CXCL12: variants seen among roughly 807,000 people sequenced by gnomAD.
CXCL12 encodes C-X-C motif chemokine ligand 12, also known as stromal cell-derived factor 1.
In CXCL12, 4 loss-of-function variants were observed where a neutral mutation model predicts 10.7. That is an observed-to-expected ratio of 0.37 (90% CI 0.18 to 0.86). The LOEUF (loss-of-function observed/expected upper bound fraction) is 0.86, where lower values mean the gene tolerates loss of function less well. Among genes scored for constraint, CXCL12 ranks in the 40% least tolerant of loss-of-function variants. The pLI, the probability that CXCL12 is intolerant of heterozygous loss-of-function variation, is 0.43. For missense variants in CXCL12, 122 were observed against 110.4 expected (o/e 1.10, Z -0.47); for synonymous variants, 54 against 45.4 (o/e 1.19, Z -0.77).
chr10:44,378,063 A>G lies in CXCL12; in HGVS notation c.*570T>C. ...TCACTGAGGTTGAAAGAGGAGGTGAAGGCAGTGGCGGCGCCCAGCCCCAGT... is the reference window on the plus strand; with the variant it reads ...TCACTGAGGTTGAAAGAGGAGGTGAGGGCAGTGGCGGCGCCCAGCCCCAGT... On this transcript the variant is annotated 3_prime_UTR_variant, in exon 3 of 3. Transcript: ENST00000343575. 1.4e-6 allele frequency: 2 copies of G among 1,469,274 alleles called. No homozygotes were observed. Among genetic ancestry groups the G allele is most frequent in the Non-Finnish European group, 1.8e-6 (2 of 1,120,150 alleles). 91.0% of individuals were successfully genotyped at this position (1,469,274 alleles called of 1,614,324 possible). A position where few individuals can be genotyped will look rare whatever the true frequency, so the allele number is the denominator to read the frequency against.
chr10:44,373,171 A>G (rs747575610), downstream of CXCL12: 8 of 1,538,952 alleles, frequency 5.2e-6, no homozygotes, highest in Non-Finnish European at 7.0e-6. Context: ...ATTTTGCTAC[A>G]TAATCAAATG....
chr10:44,373,316 C>G, downstream of CXCL12: 1 of 1,607,020 alleles, frequency 6.2e-7, no homozygotes. Flanking sequence ...GTTCCTCAGG[C>G]GTCTGACCCT....
downstream of CXCL12, chr10:44,375,823 A>T: frequency 6.5e-7 from 1 of 1,537,708 alleles, no homozygotes; most frequent in Non-Finnish European, 8.7e-7. Flanking sequence ...CTGCTCCCCC[A>T]CGGAAGTCTG....
downstream of CXCL12, chr10:44,376,172 CT>C: frequency 7.4e-6 from 6 of 815,794 alleles, no homozygotes; most frequent in Admixed American, 1.1e-4. Flanking sequence ...GGTCAAAGCA[CT>C]GTTTATCAGT....
At chr10:44,383,613 G>GGT (rs1564464523) in intron 1 of CXCL12, among the ~76,000 whole-genome samples, 1 of 137,762 alleles carries the variant, frequency 7.3e-6, no homozygotes, top group South Asian at 2.6e-4. Flanking sequence ...GACTTGCGGG[G>GGT]GGGGGGGGGG....
chr10:44,377,351 C>T lies in CXCL12; in HGVS notation c.*1282G>A, dbSNP rs371362518. ...CTCCACTTCAAATATATGAATTGTTCGACTATAAATATATTTTGAAATACA... is the reference window on the plus strand; with the variant it reads ...CTCCACTTCAAATATATGAATTGTTTGACTATAAATATATTTTGAAATACA... On this transcript the variant is annotated 3_prime_UTR_variant, in exon 3 of 3. Coordinates refer to ENST00000343575, the MANE Select transcript of CXCL12 (RefSeq NM_199168.4). The T allele has an allele frequency of 1.2e-5, 13 of 1,050,524 alleles. No individual in the cohort carries two copies. Among genetic ancestry groups the T allele is most frequent in the Admixed American group, 5.1e-5 (1 of 19,642 alleles). The allele number at this position is 1,050,524 out of a possible 1,614,324, so 65.1% of individuals were successfully genotyped here.
downstream of CXCL12, chr10:44,376,116 G>A (rs1351902674): frequency 3.8e-5 from 56 of 1,459,638 alleles, no homozygotes; most frequent in Admixed American, 5.5e-5. Flanking sequence ...ACACTGGCCC[G>A]TGTACTGGTT....
At chr10:44,380,685 A>C (rs1309706785) in intron 2 of CXCL12, 78 bp downstream of exon 2, 1 of 1,267,776 alleles carries the variant, frequency 7.9e-7, no homozygotes, top group Non-Finnish European at 1.2e-6. Flanking sequence ...TACACCTTTA[A>C]TAAGACTCGG....
At chr10:44,379,508 G>A (rs145564002) in intron 2 of CXCL12, among the ~76,000 whole-genome samples, 69 of 152,280 alleles carry the variant, frequency 4.5e-4, no homozygotes, top group African/African-American at 1.3e-3. Context: ...GGGTCTTGAG[G>A]ACAGCTAAGC....
chr10:44,377,376 A>G lies in CXCL12; in HGVS notation c.*1257T>C. On this transcript the variant is annotated 3_prime_UTR_variant, in exon 3 of 3. Coordinates refer to ENST00000343575, the MANE Select transcript of CXCL12 (RefSeq NM_199168.4). ...CGACTATAAATATATTTTGAAATAC[A>G]TTTGTTTTCTAAAGAAACGTAAAAA... 9.3e-7 allele frequency: 1 copy of G among 1,077,690 alleles called. No individual in the cohort carries two copies. The highest frequency in any genetic ancestry group is 1.1e-6 in the Non-Finnish European group (1 of 886,440). 66.8% of individuals were successfully genotyped at this position (1,077,690 alleles called of 1,614,324 possible).
chr10:44,371,072 C>G (rs538848637), downstream of CXCL12: 2 of 215,392 alleles, frequency 9.3e-6, no homozygotes, highest in Non-Finnish European at 1.9e-5. Context: ...ACTAGCAGTT[C>G]GAAAGCAAAA....
At chr10:44,373,662 C>T (rs1839375870), downstream of CXCL12, among the ~76,000 whole-genome samples, 1 of 152,204 alleles carries the variant, frequency 6.6e-6, no homozygotes, top group Non-Finnish European at 1.5e-5. Flanking sequence ...GGGCACACTG[C>T]TTACCCGGCA....
chr10:44,373,661 G>A (rs942907328), downstream of CXCL12, among the ~76,000 whole-genome samples: 7 of 152,208 alleles, frequency 4.6e-5, no homozygotes, highest in Non-Finnish European at 7.3e-5. Flanking sequence ...AGGGCACACT[G>A]CTTACCCGGC....
chr10:44,378,220 G>T lies in CXCL12; in HGVS notation c.*413C>A, dbSNP rs1013732658. The stretch of plus-strand genomic sequence containing the variant: ...CTGACTGTGCCCAGACTCCCCAGGG[G>T]AGCAGAGGAGATGCTCCAAACAAGC... On this transcript the variant is annotated 3_prime_UTR_variant, in exon 3 of 3. Coordinates refer to ENST00000343575, the MANE Select transcript of CXCL12 (RefSeq NM_199168.4). The T allele has an allele frequency of 2.1e-6, 3 of 1,452,494 alleles. No individual in the cohort carries two copies. The highest frequency in any genetic ancestry group is 3.6e-4 in the Middle Eastern group (2 of 5,522). The allele number at this position is 1,452,494 out of a possible 1,614,324, so 90.0% of individuals were successfully genotyped here.
At position 44,377,914 on chromosome 10, in the gene CXCL12, A is replaced by G; in HGVS notation, c.*719T>C. 1.3e-6 allele frequency: 2 copies of G among 1,552,030 alleles called. No individual in the cohort carries two copies. The highest frequency in any genetic ancestry group is 2.4e-5 in the East Asian group (1 of 42,258). ...GTGCGGCGCTGATCAGGCTACAGAAATGAGAAGCAGAAGCAAGATTAAGCA... is the reference window on the plus strand; with the variant it reads ...GTGCGGCGCTGATCAGGCTACAGAAGTGAGAAGCAGAAGCAAGATTAAGCA... On this transcript the variant is annotated 3_prime_UTR_variant, in exon 3 of 3. Transcript: ENST00000343575.
In CXCL12 at chr10:44,377,441, A is replaced by G; in HGVS notation, c.*1192T>C. ...AATATATATAAAAAAATGCCTTGCA[A>G]AAAGTTACAAATACCACCAGGACCT... On this transcript the variant is annotated 3_prime_UTR_variant, in exon 3 of 3. Transcript: ENST00000343575. 13 of 1,150,914 alleles carry G rather than the reference A, an allele frequency of 1.1e-5. No homozygotes were observed. Among genetic ancestry groups the G allele is most frequent in the Non-Finnish European group, 1.4e-5 (13 of 936,214 alleles). The allele number at this position is 1,150,914 out of a possible 1,614,324, so 71.3% of individuals were successfully genotyped here.
chr10:44,383,480 TC>T (rs1839695153), intron 1 of CXCL12, among the ~76,000 whole-genome samples: 1 of 151,840 alleles, frequency 6.6e-6, no homozygotes, highest in Admixed American at 6.6e-5. Flanking sequence ...CAGCACCATT[TC>T]CCAGAGCGGC....
At chr10:44,373,394 C>T, downstream of CXCL12, 1 of 1,509,146 alleles carries the variant, frequency 6.6e-7, no homozygotes, top group East Asian at 2.3e-5. Context: ...CCCCCCACAC[C>T]CAGCCAGCTC....
At chr10:44,379,259 C>T (rs1839555846) in intron 2 of CXCL12, among the ~76,000 whole-genome samples, 2 of 151,884 alleles carry the variant, frequency 1.3e-5, no homozygotes, top group African/African-American at 2.4e-5. Context: ...GCGGTCTGAC[C>T]GGGAGGGTGA....
Sources: allele counts gnomAD v4.1 joint callset (sites outside exome capture counted in the v4.1 genomes callset), GRCh38; gene constraint gnomAD v4.1.1; transcripts MANE v1.5; gene names NCBI Gene and HGNC (gene_info 2026-07-23, HGNC 2026-07-21).